The following HMOX1 variants were observed in gnomAD, a reference collection of about 807,000 sequenced individuals.
HMOX1 encodes the protein heat shock protein, 32-kD.
HMOX1 carries 22 observed loss-of-function variants against 27.8 expected under a neutral mutation model. The ratio of observed to expected loss-of-function variants is 0.79; its 90% CI spans 0.57 to 1.13. HMOX1 has a LOEUF of 1.13. Ranked by LOEUF, HMOX1 falls within the 50% of genes most tolerant of loss-of-function variation. The probability of loss-of-function intolerance (pLI) is 0.00; values close to 1 mark genes in which losing one functional copy is unlikely to be tolerated. For synonymous variants in HMOX1, 153 were observed against 151.6 expected, an observed-to-expected ratio of 1.01 and a Z score of -0.07; for missense variants, 379 against 377.7, an observed-to-expected ratio of 1.00 and a Z score of -0.03.
At chr22:35,382,374 T>C (rs1931404211) in intron 1 of HMOX1, among the ~76,000 whole-genome samples, 1 of 152,088 alleles carries the variant, frequency 6.6e-6, no homozygotes, top group Non-Finnish European at 1.5e-5. Flanking sequence ...TTTTTTGAGA[T>C]GGAGTGTTGC....
At chr22:35,387,950 T>C (rs1490382868) in intron 3 of HMOX1, among the ~76,000 whole-genome samples, 1 of 152,116 alleles carries the variant, frequency 6.6e-6, no homozygotes, top group Non-Finnish European at 1.5e-5. Context: ...AGAAAATCTG[T>C]GTCTTTCAGA....
intron 1 of HMOX1, among the ~76,000 whole-genome samples, 179 bp from the exon 2 acceptor site, chr22:35,382,927 G>A (rs753270560): frequency 6.6e-6 from 1 of 152,144 alleles, no homozygotes; most frequent in African/African-American, 2.4e-5. Context: ...CAAAGCGCTG[G>A]GATTACAGGC....
chr22:35,387,266 C>A, intron 3 of HMOX1, 90 bp downstream of exon 3: 1 of 1,501,706 alleles, frequency 6.7e-7, no homozygotes, highest in Non-Finnish European at 9.2e-7. Flanking sequence ...TGCTATAGGT[C>A]ATGGTTAACA....
intron 3 of HMOX1, among the ~76,000 whole-genome samples, chr22:35,388,238 C>T (rs1931555631): frequency 6.6e-6 from 1 of 152,098 alleles, no homozygotes; most frequent in Non-Finnish European, 1.5e-5. Context: ...ATGGCTTGAG[C>T]CCAGGAGTTT....
chr22:35,391,292 G>GT (rs1159744982), intron 4 of HMOX1, among the ~76,000 whole-genome samples: 100 of 75,568 alleles, frequency 1.3e-3, no homozygotes, highest in Admixed American at 2.4e-3. Flanking sequence ...TATTTTTTTG[G>GT]TTTTTTTTTT....
In HMOX1 at chr22:35,393,821, G is replaced by A. The variant is rs1394156483; in HGVS notation, c.*223G>A. 1.4e-5 allele frequency: 8 copies of A among 568,704 alleles called. No homozygotes were observed. The highest frequency in any genetic ancestry group is 1.8e-5 in the South Asian group (1 of 55,898). 35.2% of individuals were successfully genotyped at this position (568,704 alleles called of 1,614,324 possible). A position where few individuals can be genotyped will look rare whatever the true frequency, so the allele number is the denominator to read the frequency against. On this transcript the variant is annotated 3_prime_UTR_variant, in exon 5 of 5. Transcript: ENST00000216117. ...CAATGGCCTAAACTTCAGAGGGGGCGAAGGGATCAGCCCTGCCCTTCAGCA... is the reference window on the plus strand; with the variant it reads ...CAATGGCCTAAACTTCAGAGGGGGCAAAGGGATCAGCCCTGCCCTTCAGCA...
chr22:35,389,429 TATCTTTCTTTCTTTC>T (rs1569057752), intron 3 of HMOX1, among the ~76,000 whole-genome samples: 9 of 67,978 alleles, frequency 1.3e-4, no homozygotes, highest in African/African-American at 4.2e-4. Context: ...TCTTTCTTTC[TATCTTTCTTTCTTTC>T]TTTCTTTTCT....
chr22:35,392,237 A>G (rs1931741378), intron 4 of HMOX1, among the ~76,000 whole-genome samples: 1 of 151,004 alleles, frequency 6.6e-6, no homozygotes, highest in Non-Finnish European at 1.5e-5. Context: ...AAAAAAAAAA[A>G]GAAAGAAAAG....
chr22:35,393,810 T>TA lies in HMOX1; in HGVS notation c.*212_*213insA. On this transcript the variant is annotated 3_prime_UTR_variant, in exon 5 of 5. Coordinates refer to ENST00000216117, the MANE Select transcript of HMOX1 (RefSeq NM_002133.3). ...GCACATCCAGGCAATGGCCTAAACT[T>TA]CAGAGGGGGCGAAGGGATCAGCCCT... The TA allele has an allele frequency of 1.6e-6, 1 of 611,416 alleles. No homozygotes were observed. The highest frequency in any genetic ancestry group is 2.9e-6 in the Non-Finnish European group (1 of 339,570). The allele number at this position is 611,416 out of a possible 1,614,324, so 37.9% of individuals were successfully genotyped here. A position where few individuals can be genotyped will look rare whatever the true frequency, so the allele number is the denominator to read the frequency against.
chr22:35,386,685 C>G lies in HMOX1; in HGVS notation c.145C>G (p.Leu49Val). 6.2e-7 allele frequency: 1 copy of G among 1,614,130 alleles called. No homozygotes were observed. Residue 49 changes from leucine (L) to valine (V), a missense_variant and splice_region_variant, in exon 3 of 5, where the codon CTG (leucine) becomes GTG (valine). Transcript: ENST00000216117. ...KGQVTRDGFK[L>V]VMASLYHIYV... ...CCTGACCTGCTCACTCTGCTTTCAGCTGGTGATGGCCTCCCTGTACCACAT... is the reference window on the plus strand; with the variant it reads ...CCTGACCTGCTCACTCTGCTTTCAGGTGGTGATGGCCTCCCTGTACCACAT...
In HMOX1 at chr22:35,389,855, G is replaced by A. The variant is rs377633762; in HGVS notation, c.637-9G>A. 3.6e-5 allele frequency: 58 copies of A among 1,593,778 alleles called. No individual in the cohort carries two copies. In the African/African-American group the frequency reaches 6.6e-4, roughly 18 times the overall value. On this transcript the variant is annotated splice_polypyrimidine_tract_variant and intron_variant, in intron 3 of 4. Coordinates refer to ENST00000216117, the MANE Select transcript of HMOX1 (RefSeq NM_002133.3). ...ACTGAGATAGGCATGTGTGTCTTTT[G>A]TCTTTTAGCTCTTTGAGGAGTTGCA...
rs1277100029 is a variant in HMOX1 at position 35,389,444 on chromosome 22, CTTTCT to C, written c.637-412_637-408del. 1.9e-3 allele frequency among the ~76,000 whole-genome samples: 204 copies of C among 109,912 alleles called. 7 individuals carry two copies. Among genetic ancestry groups the C allele is most frequent in the Middle Eastern group, 4.3e-3 (1 of 234 alleles). The allele number at this position is 109,912 out of a possible 152,430, so 72.1% of individuals were successfully genotyped here. A position where few individuals can be genotyped will look rare whatever the true frequency, so the allele number is the denominator to read the frequency against. The stretch of plus-strand genomic sequence containing the variant: ...TCTTTCTTTCTATCTTTCTTTCTTT[CTTTCT>C]TTTCTTTCTTTCTTGCAGAGTCTCG... On this transcript the variant is annotated intron_variant, in intron 3 of 4. Coordinates refer to ENST00000216117, the MANE Select transcript of HMOX1 (RefSeq NM_002133.3).
At chr22:35,386,203 G>A (rs1052431869) in intron 2 of HMOX1, among the ~76,000 whole-genome samples, 2 of 151,938 alleles carry the variant, frequency 1.3e-5, no homozygotes, top group South Asian at 2.1e-4. Context: ...TGATCCTCCC[G>A]CCTCGGCCTC....
At chr22:35,392,558 C>T (rs781501500) in intron 4 of HMOX1, among the ~76,000 whole-genome samples, 14 of 152,002 alleles carry the variant, frequency 9.2e-5, no homozygotes, top group African/African-American at 2.9e-4. Flanking sequence ...TAGCCCAGGG[C>T]GGGGCTAGGA....
chr22:35,389,213 C>CTTTCTT (rs879385965), intron 3 of HMOX1, among the ~76,000 whole-genome samples: 1 of 123,342 alleles, frequency 8.1e-6, no homozygotes, highest in Admixed American at 7.5e-5. Context: ...TTCTTTCTTT[C>CTTTCTT]TCTCTTTCTT....
In HMOX1 at chr22:35,381,166, C is replaced by G. The variant is rs759497720; in HGVS notation, c.-8C>G. 2 of 1,542,678 alleles carry G rather than the reference C, an allele frequency of 1.3e-6. No individual in the cohort carries two copies. Among genetic ancestry groups the G allele is most frequent in the South Asian group, 1.2e-5 (1 of 84,428 alleles). On this transcript the variant is annotated 5_prime_UTR_variant, in exon 1 of 5. Coordinates refer to ENST00000216117, the MANE Select transcript of HMOX1 (RefSeq NM_002133.3). ...GGAGCCAGCACGAACGAGCCCAGCA[C>G]CGGCCGGATGGAGCGTCCGCAACCC...
At chr22:35,383,038 G>A in intron 1 of HMOX1, 68 bp from the exon 2 acceptor site, 1 of 1,601,450 alleles carries the variant, frequency 6.2e-7, no homozygotes, top group Non-Finnish European at 8.5e-7. Context: ...ACAGGTGGGA[G>A]GCTCAGCAGT....
chr22:35,389,336 T>C (rs1931621512), intron 3 of HMOX1, among the ~76,000 whole-genome samples: 11 of 118,474 alleles, frequency 9.3e-5, no homozygotes, highest in African/African-American at 4.1e-4. Context: ...CTTTCTTTCT[T>C]TCTTCTCCTT....
intron 2 of HMOX1, among the ~76,000 whole-genome samples, chr22:35,386,105 G>A (rs925337825): frequency 3.3e-5 from 5 of 151,880 alleles, no homozygotes; most frequent in African/African-American, 7.3e-5. Flanking sequence ...ACAGGCGCCC[G>A]CCACCACGCC....
Sources: allele counts gnomAD v4.1 joint callset (sites outside exome capture counted in the v4.1 genomes callset), GRCh38; gene constraint gnomAD v4.1.1; transcripts MANE v1.5; gene names NCBI Gene and HGNC (gene_info 2026-07-23, HGNC 2026-07-21).